Variants in TMEM132B observed in about 807,000 individuals in gnomAD.
The protein encoded by TMEM132B is transmembrane protein 132B.
A neutral mutation model predicts 90.8 loss-of-function variants in TMEM132B; 18 were observed. The ratio of observed to expected loss-of-function variants is 0.20; its 90% CI spans 0.14 to 0.29. The LOEUF is 0.29. TMEM132B is among the 10% of genes least tolerant of loss of function. The pLI is 1.00. For missense variants in TMEM132B, 1,096 were observed against 1,326.8 expected, an observed-to-expected ratio of 0.83 and a Z score of 2.70; for synonymous variants, 504 against 523.3, an observed-to-expected ratio of 0.96 and a Z score of 0.50.
chr12:125,452,126 G>A (rs2136451852), intron 3 of TMEM132B, among the ~76,000 whole-genome samples: 1 of 152,308 alleles, frequency 6.6e-6, no homozygotes, highest in Admixed American at 6.5e-5. Context: ...GAGGCCCCCA[G>A]TTCTGGGCTC....
intron 5 of TMEM132B, among the ~76,000 whole-genome samples, chr12:125,596,578 C>T (rs1464127799): frequency 6.6e-6 from 1 of 152,092 alleles, no homozygotes; most frequent in Non-Finnish European, 1.5e-5. Flanking sequence ...TTAAAGGGCC[C>T]CTCCTCAAAA....
Position 125,509,436 on chromosome 12 carries a change from T to C in TMEM132B, c.1107-10003T>C, listed in dbSNP as rs543682206. On this transcript the variant is annotated intron_variant, in intron 3 of 8. Transcript: ENST00000682704. ...CCAGGCCAGGGCATTCCATAGTTAA[T>C]GAGGAGAACAACTAGGCCTCTCTTT... Among the ~76,000 whole-genome samples the C allele has an allele frequency of 2.0e-4, 30 of 152,294 alleles. 1 individual carries two copies. Among genetic ancestry groups the C allele is most frequent in the Middle Eastern group, 3.4e-3 (1 of 294 alleles).
At chr12:125,442,164 G>T (rs753406416) in intron 3 of TMEM132B, among the ~76,000 whole-genome samples, 1 of 152,238 alleles carries the variant, frequency 6.6e-6, no homozygotes, top group Non-Finnish European at 1.5e-5. Context: ...AGGAGAAAAG[G>T]CAGGAGGTTT....
intron 4 of TMEM132B, among the ~76,000 whole-genome samples, chr12:125,537,251 T>A (rs1883829554): frequency 6.6e-6 from 1 of 152,260 alleles, no homozygotes; most frequent in Non-Finnish European, 1.5e-5. Context: ...AAACCCATGT[T>A]GTTCAAGGGT....
At chr12:125,563,317 C>T (rs1197095052) in intron 4 of TMEM132B, among the ~76,000 whole-genome samples, 3 of 152,000 alleles carry the variant, frequency 2.0e-5, no homozygotes, top group Admixed American at 1.3e-4. Flanking sequence ...TTGTAAAGAA[C>T]GCAGTATCTG....
intron 5 of TMEM132B, among the ~76,000 whole-genome samples, chr12:125,617,106 A>G (rs1231534520): frequency 6.6e-6 from 1 of 152,124 alleles, no homozygotes; most frequent in Non-Finnish European, 1.5e-5. Context: ...ATTTCTTTTC[A>G]TGTTTGTGAT....
intron 4 of TMEM132B, among the ~76,000 whole-genome samples, chr12:125,568,512 C>T (rs377305167): frequency 5.3e-5 from 8 of 152,254 alleles, no homozygotes; most frequent in Admixed American, 3.9e-4. Context: ...TTATCAGCCT[C>T]GTCAGATGGA....
chr12:125,401,355 G>A (rs993507337), intron 2 of TMEM132B, among the ~76,000 whole-genome samples: 1 of 152,118 alleles, frequency 6.6e-6, no homozygotes, highest in Non-Finnish European at 1.5e-5. Context: ...AATAAACAAG[G>A]GAAGCAAAGT....
rs577103699 is a variant in TMEM132B, at chr12:125,253,522, C to T, written c.67+66656C>T. On this transcript the variant is annotated intron_variant, in intron 1 of 8. Coordinates refer to ENST00000682704, the MANE Select transcript of TMEM132B (RefSeq NM_001366854.1). ...TAATCATGGCTCCCTGCCACCTCAA[C>T]CTCCCAGGCTCAAGCAGTCCTCCCA... is the stretch of plus-strand genomic sequence containing the variant. Among the ~76,000 whole-genome samples, 12 of 151,146 alleles carry T rather than the reference C, an allele frequency of 7.9e-5. No individual in the cohort carries two copies. In the South Asian group the frequency reaches 2.5e-3, roughly 32 times the overall value.
intron 1 of TMEM132B, among the ~76,000 whole-genome samples, chr12:125,232,793 G>A (rs1450173259): frequency 6.6e-6 from 1 of 152,176 alleles, no homozygotes; most frequent in African/African-American, 2.4e-5. Context: ...TGGCTATGTT[G>A]TTCTTTTCTG....
intron 1 of TMEM132B, among the ~76,000 whole-genome samples, chr12:125,210,073 C>T (rs536887978): frequency 1.8e-4 from 27 of 152,234 alleles, no homozygotes; most frequent in African/African-American, 6.5e-4. Context: ...ACAGTCAGAT[C>T]GGGGAGGCAG....
chr12:125,271,866 C>G (rs1874845342), intron 1 of TMEM132B, among the ~76,000 whole-genome samples: 1 of 151,950 alleles, frequency 6.6e-6, no homozygotes, highest in African/African-American at 2.4e-5. Flanking sequence ...TTTTAAAAAT[C>G]AACTCAAGTT....
chr12:125,511,880 G>T lies in TMEM132B; in HGVS notation c.1107-7559G>T, dbSNP rs139608017. Among the ~76,000 whole-genome samples, 155 of 147,424 alleles carry T rather than the reference G, an allele frequency of 1.1e-3. 1 individual carries two copies. The highest frequency in any genetic ancestry group is 3.6e-3 in the African/African-American group (144 of 39,574). On this transcript the variant is annotated intron_variant, in intron 3 of 8. Transcript: ENST00000682704. ...AAAAAAAAAAAAAAGAAAAGAAAAAGCATCCCAAATTCCAAATTTCCTAGC... is the reference window on the plus strand; with the variant it reads ...AAAAAAAAAAAAAAGAAAAGAAAAATCATCCCAAATTCCAAATTTCCTAGC...
At chr12:125,475,222 C>T (rs1327897591) in intron 3 of TMEM132B, among the ~76,000 whole-genome samples, 2 of 152,238 alleles carry the variant, frequency 1.3e-5, no homozygotes, top group Admixed American at 6.5e-5. Flanking sequence ...AATCAATGGA[C>T]ATTGTAATTT....
chr12:125,524,170 T>C (rs540833018), intron 4 of TMEM132B, among the ~76,000 whole-genome samples: 1 of 152,342 alleles, frequency 6.6e-6, no homozygotes, highest in Admixed American at 6.5e-5. Flanking sequence ...AGAGTACCTC[T>C]TCTGTCTACT....
chr12:125,283,558 A>G (rs1875260476), intron 1 of TMEM132B, among the ~76,000 whole-genome samples: 2 of 152,192 alleles, frequency 1.3e-5, no homozygotes, highest in African/African-American at 2.4e-5. Flanking sequence ...GAAACATGTA[A>G]TTACCATGAG....
In TMEM132B at chr12:125,515,693, CCA is replaced by C. The variant is rs377260671; in HGVS notation, c.1107-3742_1107-3741del. On this transcript the variant is annotated intron_variant, in intron 3 of 8. Transcript: ENST00000682704. ...TTCTCACACTCACACACATTCCCTC[CCA>C]CACTCACACAACACATTCACACGTT... Among the ~76,000 whole-genome samples the C allele has an allele frequency of 7.2e-3, 1,090 of 151,642 alleles. 18 individuals carry two copies. The highest frequency in any genetic ancestry group is 0.024 in the African/African-American group (996 of 41,298).
chr12:125,575,878 A>G (rs919930307), intron 4 of TMEM132B, among the ~76,000 whole-genome samples: 2 of 152,072 alleles, frequency 1.3e-5, no homozygotes, highest in African/African-American at 4.8e-5. Flanking sequence ...TGAAAATGAG[A>G]GAATTTATTT....
At position 125,576,474 on chromosome 12, in the gene TMEM132B, G is replaced by A. The variant is rs765792709; in HGVS notation, c.1294-7377G>A. 6.5e-5 allele frequency among the ~76,000 whole-genome samples: 5 copies of A among 76,958 alleles called. No homozygotes were observed. In the East Asian group the frequency reaches 1.2e-3, roughly 19 times the overall value. The allele number at this position is 76,958 out of a possible 152,430, so 50.5% of individuals were successfully genotyped here. ...CATTTCAATTAATCCCCCCCACCCCGCCCCAATTACCTTGGCTAGAACCTC... is the reference window on the plus strand; with the variant it reads ...CATTTCAATTAATCCCCCCCACCCCACCCCAATTACCTTGGCTAGAACCTC... On this transcript the variant is annotated intron_variant, in intron 4 of 8. Transcript: ENST00000682704.
Sources: gnomAD v4.1 joint callset for allele counts (sites outside exome capture counted in the v4.1 genomes callset) on GRCh38, gnomAD v4.1.1 for gene constraint, MANE v1.5 for transcripts, NCBI Gene and HGNC (gene_info 2026-07-23, HGNC 2026-07-21) for gene names.